Variants in GABRB1 observed in about 807,000 individuals in gnomAD.
The protein encoded by GABRB1 is gamma-aminobutyric acid type A receptor subunit beta1, also known as gamma-aminobutyric acid receptor subunit beta-1.
In GABRB1, 17 loss-of-function variants were observed where a neutral mutation model predicts 51.6. The observed-to-expected ratio is 0.33, with a 90% CI of 0.23 to 0.49. GABRB1 has a LOEUF of 0.49. GABRB1 is among the 20% of genes least tolerant of loss of function. The pLI is 0.99. For synonymous variants in GABRB1, 247 were observed against 218.9 expected (o/e 1.13, Z -1.14); for missense variants, 410 against 600.6 (o/e 0.68, Z 3.32).
intron 4 of GABRB1, among the ~76,000 whole-genome samples, chr4:47,277,547 G>T (rs939254949): frequency 5.3e-5 from 8 of 151,934 alleles, no homozygotes; most frequent in Non-Finnish European, 1.2e-4. Context: ...TGGTTGAGGG[G>T]TTGAATACCC....
intron 3 of GABRB1, among the ~76,000 whole-genome samples, chr4:47,087,824 T>C (rs1158800793): frequency 6.6e-6 from 1 of 152,166 alleles, no homozygotes; most frequent in Non-Finnish European, 1.5e-5. Flanking sequence ...AATCTAACTG[T>C]TGGATTATTT....
intron 5 of GABRB1, among the ~76,000 whole-genome samples, chr4:47,360,118 T>C (rs1726747369): frequency 7.3e-6 from 1 of 137,208 alleles, no homozygotes; most frequent in African/African-American, 2.5e-5. Flanking sequence ...GCAGGAAAGC[T>C]TTAAAAAAAA....
At chr4:47,339,859 C>T (rs867521386) in intron 5 of GABRB1, among the ~76,000 whole-genome samples, 32 of 127,528 alleles carry the variant, frequency 2.5e-4, no homozygotes, top group Admixed American at 8.1e-4. Context: ...ACACACACCC[C>T]ACTTTGGGAA....
At chr4:47,286,214 A>G (rs1723504233) in intron 4 of GABRB1, among the ~76,000 whole-genome samples, 1 of 152,208 alleles carries the variant, frequency 6.6e-6, no homozygotes, top group Non-Finnish European at 1.5e-5. Context: ...TCCTTCCTCC[A>G]CAGACTAATA....
chr4:47,381,139 T>G (rs1727582558), intron 5 of GABRB1, among the ~76,000 whole-genome samples: 2 of 152,104 alleles, frequency 1.3e-5, no homozygotes, highest in Admixed American at 1.3e-4. Flanking sequence ...TGAAGTCTAT[T>G]GTAAGCTCTG....
At chr4:47,145,914 A>G (rs1717148381) in intron 3 of GABRB1, among the ~76,000 whole-genome samples, 1 of 152,044 alleles carries the variant, frequency 6.6e-6, no homozygotes, top group South Asian at 2.1e-4. Context: ...TGCAGATGAA[A>G]AAAATGCATC....
chr4:47,412,302 T>C (rs1728783737), intron 8 of GABRB1, among the ~76,000 whole-genome samples: 1 of 152,176 alleles, frequency 6.6e-6, no homozygotes, highest in Non-Finnish European at 1.5e-5. Context: ...AATGAATTAA[T>C]TAATTAATAC....
chr4:47,277,082 C>A lies in GABRB1; in HGVS notation c.462-43045C>A, dbSNP rs1485321478. Among the ~76,000 whole-genome samples the A allele has an allele frequency of 2.6e-5, 4 of 151,960 alleles. No individual in the cohort carries two copies. The East Asian group carries it at 7.7e-4, about 29-fold the overall frequency. On this transcript the variant is annotated intron_variant, in intron 4 of 8. Transcript: ENST00000295454. ...TTAATAGAAATTTAACATTTCTTTCCATAATTAATGTAGGCAACAGGACTT... is the reference window on the plus strand; with the variant it reads ...TTAATAGAAATTTAACATTTCTTTCAATAATTAATGTAGGCAACAGGACTT...
intron 3 of GABRB1, among the ~76,000 whole-genome samples, chr4:47,119,763 C>T (rs1441138498): frequency 6.6e-6 from 1 of 152,046 alleles, no homozygotes; most frequent in Non-Finnish European, 1.5e-5. Flanking sequence ...CCCACCTCGG[C>T]CTCCCAAAGT....
intron 4 of GABRB1, among the ~76,000 whole-genome samples, chr4:47,294,326 A>C (rs1723875687): frequency 6.6e-6 from 1 of 152,234 alleles, no homozygotes; most frequent in Non-Finnish European, 1.5e-5. Flanking sequence ...GGAAAGCACA[A>C]GGGGTCAGGG....
intron 4 of GABRB1, among the ~76,000 whole-genome samples, chr4:47,263,980 A>T (rs760723589): frequency 1.4e-4 from 13 of 94,944 alleles, no homozygotes; most frequent in East Asian, 3.5e-4. Context: ...CAAAAAAAAT[A>T]AAAAAAAAAA....
chr4:47,320,220 TG>T lies in GABRB1; in HGVS notation c.544+13del, dbSNP rs1725028015. On this transcript the variant is annotated intron_variant, in intron 5 of 8. Coordinates refer to ENST00000295454, the MANE Select transcript of GABRB1 (RefSeq NM_000812.4). ...TGGAGATCGAAAGTTGTGAGTTACT[TG>T]GACAGGGGAATGAAAAAGAGGGATT... 1 of 1,513,348 alleles carries T rather than the reference TG, an allele frequency of 6.6e-7. No individual in the cohort carries two copies. The highest frequency in any genetic ancestry group is 9.2e-7 in the Non-Finnish European group (1 of 1,087,428). The allele number at this position is 1,513,348 out of a possible 1,614,324, so 93.7% of individuals were successfully genotyped here.
intron 4 of GABRB1, among the ~76,000 whole-genome samples, chr4:47,267,842 G>A (rs527867370): frequency 6.6e-6 from 1 of 152,088 alleles, no homozygotes; most frequent in South Asian, 2.1e-4. Flanking sequence ...AATAAATGGA[G>A]ATGACTTTAA....
intron 4 of GABRB1, among the ~76,000 whole-genome samples, chr4:47,230,504 C>A (rs1721103060): frequency 6.6e-6 from 1 of 152,122 alleles, no homozygotes; most frequent in African/African-American, 2.4e-5. Context: ...CTTGGAAGGG[C>A]TAAAAATTCA....
chr4:47,399,455 G>A (rs1303979047), intron 5 of GABRB1, among the ~76,000 whole-genome samples: 1 of 151,258 alleles, frequency 6.6e-6, no homozygotes, highest in Admixed American at 6.6e-5. Flanking sequence ...TTGATTTTCT[G>A]TGCCTCCTTA....
intron 8 of GABRB1, among the ~76,000 whole-genome samples, chr4:47,424,449 G>A (rs1304906984): frequency 7.2e-5 from 11 of 152,110 alleles, no homozygotes; most frequent in African/African-American, 1.4e-4. Flanking sequence ...ACTGTACCAC[G>A]GTTGCACCAT....
At chr4:47,077,965 T>C (rs1026240156) in intron 3 of GABRB1, among the ~76,000 whole-genome samples, 1 of 101,614 alleles carries the variant, frequency 9.8e-6, no homozygotes, top group African/African-American at 4.2e-5. Context: ...ATTTTATATA[T>C]ATATTTTATA....
At chr4:47,156,983 A>T (rs952401487) in intron 3 of GABRB1, among the ~76,000 whole-genome samples, 3 of 152,080 alleles carry the variant, frequency 2.0e-5, no homozygotes, top group African/African-American at 7.2e-5. Context: ...ATAAAAATAA[A>T]TTTTTTAAAA....
intron 3 of GABRB1, among the ~76,000 whole-genome samples, chr4:47,065,162 C>T (rs184297104): frequency 5.3e-4 from 81 of 152,196 alleles, no homozygotes; most frequent in Admixed American, 4.8e-3. Flanking sequence ...GAAAAACTGG[C>T]GACATTTTAA....
Sources: allele counts gnomAD v4.1 joint callset (sites outside exome capture counted in the v4.1 genomes callset), GRCh38; gene constraint gnomAD v4.1.1; transcripts MANE v1.5; gene names NCBI Gene and HGNC (gene_info 2026-07-23, HGNC 2026-07-21).